Variants in TPRA1 observed in about 807,000 individuals in gnomAD.
TPRA1 encodes the protein transmembrane protein adipocyte associated 1, also known as transmembrane protein adipocyte-associated 1.
In TPRA1, 28 loss-of-function variants were observed where a neutral mutation model predicts 40.1. The observed-to-expected ratio is 0.70, with a 90% CI of 0.52 to 0.96. The LOEUF (loss-of-function observed/expected upper bound fraction) is 0.96, where lower values mean the gene tolerates loss of function less well. Among genes scored for constraint, TPRA1 ranks in the 40% least tolerant of loss-of-function variants. The pLI is 0.00. For synonymous variants in TPRA1, 219 were observed against 209.7 expected, an observed-to-expected ratio of 1.04 and a Z score of -0.38; for missense variants, 441 against 482.6, an observed-to-expected ratio of 0.91 and a Z score of 0.81.
rs2073466935 is a variant in TPRA1, at chr3:127,573,776, C to T, written c.867G>A (p.Lys289=). ...FLRGFFGSEP[K]ILFSYKCQVD... is the part of the protein sequence containing the mutation. ...CTTGGCATTTGTAGGAGAAGAGGAT[C>T]TTGGGCTCCGAGCTGATAAAAGGAA... The change falls in exon 11 of 11, where the codon AAG becomes AAA. Residue 289 remains lysine (K), a synonymous_variant. Coordinates refer to ENST00000355552, the MANE Select transcript of TPRA1 (RefSeq NM_001136053.4). 2 of 1,574,124 alleles carry T rather than the reference C, an allele frequency of 1.3e-6. No individual in the cohort carries two copies. Among genetic ancestry groups the T allele is most frequent in the South Asian group, 2.3e-5 (2 of 87,614 alleles).
rs1254620405 is a variant in TPRA1 at position 127,575,251 on chromosome 3, G to A, written c.788C>T (p.Thr263Ile). ...IIEGLCCVDA[T>I]TFLYFSFFAP... The stretch of plus-strand genomic sequence containing the variant: ...GAAGAAGCTGAAGTACAGGAAGGTT[G>A]TGGCATCTACACAGCTGCGGAGAAG... The change falls in exon 10 of 11, where the codon ACA becomes ATA. Residue 263 changes from threonine (T) to isoleucine (I), a missense_variant. Coordinates refer to ENST00000355552, the MANE Select transcript of TPRA1 (RefSeq NM_001136053.4). The A allele has an allele frequency of 3.7e-6, 6 of 1,613,810 alleles. No homozygotes were observed. The South Asian group carries it at 5.5e-5, about 15-fold the overall frequency.
upstream of TPRA1, among the ~76,000 whole-genome samples, chr3:127,593,961 G>C (rs779047030): frequency 6.6e-6 from 1 of 152,238 alleles, no homozygotes; most frequent in Non-Finnish European, 1.5e-5. Context: ...ATCACAGTCT[G>C]AAGGAGACTG....
At chr3:127,597,009 G>A (rs1176211745) in intron 1 of TPRA1, among the ~76,000 whole-genome samples, 11 of 152,026 alleles carry the variant, frequency 7.2e-5, no homozygotes, top group Non-Finnish European at 8.8e-5. Flanking sequence ...CCAGCTACTC[G>A]GGAGGCTAAG....
intron 2 of TPRA1, 36 bp from the exon 3 acceptor site, chr3:127,579,908 GGCCACATAT>G (rs1373917506): frequency 6.2e-7 from 1 of 1,611,172 alleles, no homozygotes; most frequent in Admixed American, 1.7e-5. Context: ...TCACTGGCGA[GGCCACATAT>G]GCACCCCCTC....
At chr3:127,575,587 T>C in intron 8 of TPRA1, 82 bp from the exon 9 acceptor site, 1 of 1,468,722 alleles carries the variant, frequency 6.8e-7, no homozygotes, top group Admixed American at 2.1e-5. Context: ...CCCTCAAGCC[T>C]GGTGTGTCCC....
rs986932468 is a variant in TPRA1, at chr3:127,572,097, G to A, written c.*1424C>T. Among the ~76,000 whole-genome samples the A allele has an allele frequency of 1.3e-5, 2 of 152,174 alleles. No homozygotes were observed. Among genetic ancestry groups the A allele is most frequent in the African/African-American group, 4.8e-5 (2 of 41,432 alleles). On this transcript the variant is annotated 3_prime_UTR_variant, in exon 11 of 11. Transcript: ENST00000355552. ...CCCTGCAGTACCCCCTGCAGCCCAG[G>A]AGTCCAGCTCACTGGCCGTACTGTT...
intron 1 of TPRA1, among the ~76,000 whole-genome samples, chr3:127,585,729 C>T (rs1346054786): frequency 6.6e-6 from 1 of 152,254 alleles, no homozygotes; most frequent in African/African-American, 2.4e-5. Context: ...CCACCAGACA[C>T]TGTCCCCTTC....
chr3:127,574,203 G>C lies in TPRA1; in HGVS notation c.855-415C>G, dbSNP rs935630661. On this transcript the variant is annotated intron_variant, in intron 10 of 10. Transcript: ENST00000355552. Reference sequence around the variant, plus strand: ...CTGACCTCGTCCCTCGGCCCTCAGGGCAACTCTCCAAGGGGGACACACTAC... The same window carrying C: ...CTGACCTCGTCCCTCGGCCCTCAGGCCAACTCTCCAAGGGGGACACACTAC... 2.6e-5 allele frequency among the ~76,000 whole-genome samples: 4 copies of C among 152,206 alleles called. No homozygotes were observed. The East Asian group carries it at 7.7e-4, about 29-fold the overall frequency.
At chr3:127,592,431 T>G (rs1226415392), upstream of TPRA1, among the ~76,000 whole-genome samples, 3 of 134,448 alleles carry the variant, frequency 2.2e-5, no homozygotes, top group African/African-American at 8.3e-5. Context: ...CAGGTCGGAC[T>G]GCGGACTGCA....
At chr3:127,584,856 C>T (rs879673553) in intron 1 of TPRA1, among the ~76,000 whole-genome samples, 18 of 152,044 alleles carry the variant, frequency 1.2e-4, no homozygotes, top group Non-Finnish European at 1.9e-4. Flanking sequence ...ACATATGACA[C>T]GAGCAGAGTG....
At position 127,573,810 on chromosome 3, in the gene TPRA1, C is replaced by T. The variant is rs376345620; in HGVS notation, c.855-22G>A. 12 of 1,535,842 alleles carry T rather than the reference C, an allele frequency of 7.8e-6. No individual in the cohort carries two copies. The Admixed American group carries it at 1.2e-4, about 15-fold the overall frequency. On this transcript the variant is annotated intron_variant, in intron 10 of 10. Transcript: ENST00000355552. ...CGAGCTGATAAAAGGAAAAGAGGGG[C>T]ATGGAAGCCTCACTGAGTGATTCAG...
At position 127,579,771 on chromosome 3, in the gene TPRA1, G is replaced by C; in HGVS notation, c.227C>G (p.Ser76Cys). ...GTAGAAGGTGATAAAAATGGGGCTGGAGGTGATGCGGATCTTCGCCCGAGC... is the reference window on the plus strand; with the variant it reads ...GTAGAAGGTGATAAAAATGGGGCTGCAGGTGATGCGGATCTTCGCCCGAGC... ...PSARAKIRIT[S>C]SPIFITFYIL... The change falls in exon 3 of 11, where the codon TCC becomes TGC. Residue 76 changes from serine to cysteine, a missense_variant. Coordinates refer to ENST00000355552, the MANE Select transcript of TPRA1 (RefSeq NM_001136053.4). The C allele has an allele frequency of 6.2e-7, 1 of 1,614,188 alleles. No homozygotes were observed. Among genetic ancestry groups the C allele is most frequent in the Non-Finnish European group, 8.5e-7 (1 of 1,180,036 alleles).
At chr3:127,580,425 C>T (rs1027848476) in intron 1 of TPRA1, 15 of 420,018 alleles carry the variant, frequency 3.6e-5, no homozygotes, top group Non-Finnish European at 5.3e-5. Context: ...CTAAGCATCT[C>T]CATGTGCAAG....
At chr3:127,584,969 C>T (rs2073956234) in intron 1 of TPRA1, among the ~76,000 whole-genome samples, 3 of 152,094 alleles carry the variant, frequency 2.0e-5, no homozygotes, top group Admixed American at 2.0e-4. Context: ...GAGGCAGAAA[C>T]CCTGTACGAG....
exon 1 of TPRA1, chr3:127,598,145 G>T: frequency 2.1e-6 from 1 of 467,630 alleles, no homozygotes; most frequent in Non-Finnish European, 3.9e-6. Flanking sequence ...GTGTGACCGA[G>T]GTCACGCAGC....
chr3:127,589,752 T>C (rs1339138421), intron 1 of TPRA1, among the ~76,000 whole-genome samples: 1 of 151,764 alleles, frequency 6.6e-6, no homozygotes, highest in African/African-American at 2.4e-5. Context: ...GGGTATTTAC[T>C]ACTCTCTATC....
rs990848291 is a variant in TPRA1 at position 127,571,445 on chromosome 3, C to A, written c.*2076G>T. The A allele has an allele frequency of 3.3e-5, 5 of 152,190 alleles. No individual in the cohort carries two copies. The highest frequency in any genetic ancestry group is 5.9e-5 in the Non-Finnish European group (4 of 68,028). The allele number at this position is 152,190 out of a possible 1,614,324, so 9.4% of individuals were successfully genotyped here. Reference sequence around the variant, plus strand: ...TTCTACTTGCATGAGTTACCAAAAGCAAATTTATAAGGATTGTTGATGTTG... The same window carrying A: ...TTCTACTTGCATGAGTTACCAAAAGAAAATTTATAAGGATTGTTGATGTTG... On this transcript the variant is annotated 3_prime_UTR_variant, in exon 11 of 11. Coordinates refer to ENST00000355552, the MANE Select transcript of TPRA1 (RefSeq NM_001136053.4).
At chr3:127,587,964 T>C (rs1384057065) in intron 1 of TPRA1, 1 of 152,498 alleles carries the variant, frequency 6.6e-6, no homozygotes, top group East Asian at 1.9e-4. Flanking sequence ...GCCAACAACG[T>C]AGTAACCTCT....
upstream of TPRA1, chr3:127,591,129 C>T (rs896593623): frequency 6.6e-6 from 1 of 152,156 alleles, no homozygotes; most frequent in African/African-American, 2.4e-5. Context: ...GGGACCGCCC[C>T]CTCGCGTGCG....
Sources: allele counts gnomAD v4.1 joint callset (sites outside exome capture counted in the v4.1 genomes callset), GRCh38; gene constraint gnomAD v4.1.1; transcripts MANE v1.5; gene names NCBI Gene and HGNC (gene_info 2026-07-23, HGNC 2026-07-21).